Variants in SPATA18 observed in about 807,000 individuals in gnomAD.
SPATA18 encodes mitochondria-eating protein.
Under a neutral mutation model 68.1 loss-of-function variants are expected in SPATA18, and 54 were observed. The ratio of observed to expected loss-of-function variants is 0.79; its 90% CI spans 0.64 to 0.99. The LOEUF (loss-of-function observed/expected upper bound fraction) is 0.99. Ranked by LOEUF, SPATA18 falls within the 50% of genes least tolerant of loss-of-function variation. The pLI, the probability that SPATA18 is intolerant of heterozygous loss-of-function variation, is 0.00. For synonymous variants in SPATA18, 242 were observed against 244.8 expected, an observed-to-expected ratio of 0.99 and a Z score of 0.11; for missense variants, 724 against 681.1, an observed-to-expected ratio of 1.06 and a Z score of -0.70.
At position 52,084,965 on chromosome 4, in the gene SPATA18, C is replaced by T. The variant is rs745990134; in HGVS notation, c.1529C>T (p.Pro510Leu). 7 of 1,613,682 alleles carry T rather than the reference C, an allele frequency of 4.3e-6. No homozygotes were observed. Among genetic ancestry groups the T allele is most frequent in the Admixed American group, 1.7e-5 (1 of 59,970 alleles). ...CGTTGTCGAAGCAGGAGTTTAAGTC[C>T]CATTTGCCCCCGTAGCCAAATTGGT... ...VSRCRSRSLS[P>L]ICPRSQIGLN... Residue 510 changes from proline to leucine, a missense_variant, in exon 11 of 13, where the codon CCC becomes CTC. Transcript: ENST00000295213.
intron 6 of SPATA18, among the ~76,000 whole-genome samples, chr4:52,076,367 A>AT (rs773200149): frequency 2.0e-5 from 3 of 152,198 alleles, no homozygotes; most frequent in Non-Finnish European, 4.4e-5. Context: ...AACATATGGG[A>AT]TAAAGACAAA....
chr4:52,066,414 T>A (rs1227451074), intron 4 of SPATA18, among the ~76,000 whole-genome samples: 1 of 152,216 alleles, frequency 6.6e-6, no homozygotes, highest in East Asian at 1.9e-4. Context: ...CCTCCCAAAG[T>A]GCTGGGATTA....
At position 52,096,025 on chromosome 4, in the gene SPATA18, C is replaced by T. The variant is rs985185233; in HGVS notation, c.*1138C>T. ...TTTGAGAGAGACACTGAATTGGCCT[C>T]AGCTCAGTTTTGCATAAGCTTAGTG... On this transcript the variant is annotated 3_prime_UTR_variant, in exon 13 of 13. Coordinates refer to ENST00000295213, the MANE Select transcript of SPATA18 (RefSeq NM_145263.4). The T allele has an allele frequency of 2.6e-5, 4 of 152,112 alleles. No individual in the cohort carries two copies. Among genetic ancestry groups the T allele is most frequent in the Middle Eastern group, 3.2e-3 (1 of 316 alleles). 9.4% of individuals were successfully genotyped at this position (152,112 alleles called of 1,614,324 possible). A position where few individuals can be genotyped will look rare whatever the true frequency, so the allele number is the denominator to read the frequency against.
In SPATA18 at chr4:52,094,508, ATTC is replaced by A; in HGVS notation, c.1564-16_1564-14del. 1.9e-6 allele frequency: 3 copies of A among 1,610,494 alleles called. No homozygotes were observed. The highest frequency in any genetic ancestry group is 2.5e-6 in the Non-Finnish European group (3 of 1,177,432). ...CTCCGTCTACTATGTAATTCACATT[ATTC>A]TTTTATATTTTCCAGATGTCTCGAA... On this transcript the variant is annotated splice_polypyrimidine_tract_variant and intron_variant, in intron 11 of 12. Coordinates refer to ENST00000295213, the MANE Select transcript of SPATA18 (RefSeq NM_145263.4).
intron 10 of SPATA18, chr4:52,083,324 GTTT>G: frequency 5.1e-6 from 5 of 985,338 alleles, no homozygotes; most frequent in Non-Finnish European, 6.0e-6. Context: ...TAGGGGAAGT[GTTT>G]TATGGCAGCT....
At chr4:52,080,365 A>G (rs1460926101) in intron 9 of SPATA18, among the ~76,000 whole-genome samples, 1 of 152,200 alleles carries the variant, frequency 6.6e-6, no homozygotes, top group Non-Finnish European at 1.5e-5. Context: ...GGAATCTGCA[A>G]TTTAACAAGC....
At position 52,094,511 on chromosome 4, in the gene SPATA18, C is replaced by G; in HGVS notation, c.1564-16C>G. The G allele has an allele frequency of 6.2e-7, 1 of 1,611,154 alleles. No individual in the cohort carries two copies. Reference sequence around the variant, plus strand: ...CGTCTACTATGTAATTCACATTATTCTTTTATATTTTCCAGATGTCTCGAA... The same window carrying G: ...CGTCTACTATGTAATTCACATTATTGTTTTATATTTTCCAGATGTCTCGAA... On this transcript the variant is annotated splice_polypyrimidine_tract_variant and intron_variant, in intron 11 of 12. Transcript: ENST00000295213.
At chr4:52,065,787 CCAAAATG>C (rs1739259877) in intron 4 of SPATA18, among the ~76,000 whole-genome samples, 1 of 152,118 alleles carries the variant, frequency 6.6e-6, no homozygotes, top group South Asian at 2.1e-4. Context: ...TGACTTAGTT[CCAAAATG>C]CAAATTCCAA....
chr4:52,070,888 G>C (rs1438129119), intron 5 of SPATA18, among the ~76,000 whole-genome samples: 1 of 151,776 alleles, frequency 6.6e-6, no homozygotes, highest in South Asian at 2.1e-4. Flanking sequence ...AGTGGGGGGG[G>C]GGGTGTTTTA....
At chr4:52,083,249 C>A in intron 10 of SPATA18, 2 of 985,262 alleles carry the variant, frequency 2.0e-6, no homozygotes, top group Non-Finnish European at 1.2e-6. Context: ...TAAATGAAGC[C>A]CCTTAGTCCA....
At chr4:52,057,916 A>G (rs1052900311) in intron 1 of SPATA18, among the ~76,000 whole-genome samples, 1 of 152,216 alleles carries the variant, frequency 6.6e-6, no homozygotes, top group South Asian at 2.1e-4. Context: ...GAAGTTAAGT[A>G]ACTTGTGCAG....
At chr4:52,078,951 A>G in intron 8 of SPATA18, 58 bp downstream of exon 8, 1 of 1,444,644 alleles carries the variant, frequency 6.9e-7, no homozygotes, top group Non-Finnish European at 9.3e-7. Flanking sequence ...GTTTATATTG[A>G]GTACTAATAA....
intron 9 of SPATA18, among the ~76,000 whole-genome samples, chr4:52,080,418 C>T (rs894636731): frequency 6.6e-6 from 1 of 152,136 alleles, no homozygotes; most frequent in Non-Finnish European, 1.5e-5. Flanking sequence ...AAAATTAATG[C>T]TCTTGACTCT....
intron 6 of SPATA18, among the ~76,000 whole-genome samples, chr4:52,075,169 A>G (rs1040531372): frequency 6.6e-6 from 1 of 152,142 alleles, no homozygotes; most frequent in African/African-American, 2.4e-5. Context: ...CTTGTTTGCA[A>G]TGAGAACAGG....
intron 6 of SPATA18, 22 bp downstream of exon 6, chr4:52,072,178 C>A: frequency 6.2e-7 from 1 of 1,611,838 alleles, no homozygotes; most frequent in Non-Finnish European, 8.5e-7. Context: ...TCTCAAAGAT[C>A]TTCTCATTTA....
intron 12 of SPATA18, 23 bp from the exon 13 acceptor site, chr4:52,094,857 G>T (rs202070258): frequency 6.2e-7 from 1 of 1,613,760 alleles, no homozygotes; most frequent in East Asian, 2.2e-5. Flanking sequence ...CCATAATAAT[G>T]AACTGTCTAT....
chr4:52,060,313 C>A, intron 1 of SPATA18, 106 bp from the exon 2 acceptor site: 1 of 802,332 alleles, frequency 1.2e-6, no homozygotes, highest in Non-Finnish European at 2.0e-6. Flanking sequence ...GCCACAAAAG[C>A]ATACCAGAGC....
At chr4:52,077,422 C>T (rs75791428) in intron 7 of SPATA18, among the ~76,000 whole-genome samples, 11 of 133,002 alleles carry the variant, frequency 8.3e-5, no homozygotes, top group East Asian at 4.4e-4. Flanking sequence ...CTTCCTCTCT[C>T]TCCTTCCTTC....
At chr4:52,057,213 G>A (rs1002475492) in intron 1 of SPATA18, among the ~76,000 whole-genome samples, 5 of 151,642 alleles carry the variant, frequency 3.3e-5, no homozygotes, top group Non-Finnish European at 1.5e-5. Context: ...TGTTTCCTGA[G>A]CTTTGTTTCC....
Sources: allele counts gnomAD v4.1 joint callset (sites outside exome capture counted in the v4.1 genomes callset), GRCh38; gene constraint gnomAD v4.1.1; transcripts MANE v1.5; gene names NCBI Gene and HGNC (gene_info 2026-07-23, HGNC 2026-07-21).